The following PEX5L variants were observed in gnomAD, a reference collection of about 807,000 sequenced individuals.
PEX5L encodes PEX5-related protein.
A neutral mutation model predicts 84.0 loss-of-function variants in PEX5L; 30 were observed. The ratio of observed to expected loss-of-function variants is 0.36; its 90% CI spans 0.27 to 0.48. PEX5L has a LOEUF of 0.48. Among genes scored for constraint, PEX5L ranks in the 20% least tolerant of loss-of-function variants. PEX5L has a pLI of 0.99. For missense variants in PEX5L, 533 were observed against 754.6 expected, an observed-to-expected ratio of 0.71 and a Z score of 3.44; for synonymous variants, 270 against 283.1, an observed-to-expected ratio of 0.95 and a Z score of 0.46.
intron 8 of PEX5L, chr3:179,820,389 C>A (rs1039580299): frequency 1.2e-5 from 2 of 171,706 alleles, no homozygotes; most frequent in Non-Finnish European, 2.5e-5. Flanking sequence ...CAGGTATGGA[C>A]AAGAGAATGA....
At chr3:179,819,693 A>G (rs1434479068) in intron 9 of PEX5L, among the ~76,000 whole-genome samples, 167 bp downstream of exon 9, 1 of 152,246 alleles carries the variant, frequency 6.6e-6, no homozygotes, top group African/African-American at 2.4e-5. Context: ...CACACGTTGG[A>G]TAATTACGTT....
At chr3:179,872,592 C>T (rs1434769357) in intron 7 of PEX5L, among the ~76,000 whole-genome samples, 4 of 152,146 alleles carry the variant, frequency 2.6e-5, no homozygotes, top group East Asian at 1.9e-4. Flanking sequence ...TTTGGTGGGA[C>T]GAAATCAGAC....
At chr3:179,909,751 A>G (rs1197561281) in intron 2 of PEX5L, among the ~76,000 whole-genome samples, 1 of 152,196 alleles carries the variant, frequency 6.6e-6, no homozygotes, top group Non-Finnish European at 1.5e-5. Flanking sequence ...TCCTAATCCA[A>G]TATGACTGGT....
At chr3:179,990,996 A>C (rs1018746971) in intron 1 of PEX5L, among the ~76,000 whole-genome samples, 1 of 152,190 alleles carries the variant, frequency 6.6e-6, no homozygotes, top group African/African-American at 2.4e-5. Context: ...CAATGGACAC[A>C]GGATGTGCAG....
intron 2 of PEX5L, among the ~76,000 whole-genome samples, chr3:179,914,617 A>G (rs905922987): frequency 6.6e-5 from 10 of 152,248 alleles, no homozygotes; most frequent in African/African-American, 2.2e-4. Flanking sequence ...GATAGGTGAT[A>G]TATCTGCCTA....
intron 2 of PEX5L, among the ~76,000 whole-genome samples, chr3:179,935,905 C>CT (rs1320804953): frequency 1.3e-5 from 2 of 152,100 alleles, no homozygotes; most frequent in South Asian, 2.1e-4. Context: ...TTGGCTCTTT[C>CT]TTTTTTTGGC....
chr3:179,932,847 A>G (rs984882660), intron 2 of PEX5L, among the ~76,000 whole-genome samples: 40 of 152,184 alleles, frequency 2.6e-4, no homozygotes, highest in Admixed American at 2.4e-3. Flanking sequence ...ATTACCTCAT[A>G]TATTAGCAAT....
chr3:180,014,901 T>C (rs1363470297), intron 1 of PEX5L, among the ~76,000 whole-genome samples: 1 of 152,244 alleles, frequency 6.6e-6, no homozygotes, highest in African/African-American at 2.4e-5. Context: ...CCTTGCACTG[T>C]ACTTACCATA....
intron 2 of PEX5L, chr3:179,902,695 C>T: frequency 2.2e-6 from 1 of 456,450 alleles, no homozygotes; most frequent in Non-Finnish European, 4.4e-6. Flanking sequence ...GCATAAAATA[C>T]TTAAAGTATG....
At chr3:179,834,484 C>T (rs752447850) in intron 8 of PEX5L, among the ~76,000 whole-genome samples, 1 of 152,234 alleles carries the variant, frequency 6.6e-6, no homozygotes, top group Admixed American at 6.5e-5. Flanking sequence ...ACCCACCACA[C>T]ATGGCTGGGC....
At chr3:179,906,874 A>C (rs1241836948) in intron 2 of PEX5L, among the ~76,000 whole-genome samples, 1 of 151,018 alleles carries the variant, frequency 6.6e-6, no homozygotes, top group African/African-American at 2.4e-5. Context: ...TTCAAGAGAA[A>C]GTAAAGCATG....
intron 2 of PEX5L, among the ~76,000 whole-genome samples, chr3:179,946,894 A>G (rs936836141): frequency 2.6e-5 from 4 of 152,254 alleles, no homozygotes; most frequent in African/African-American, 9.6e-5. Context: ...TGCACTATAC[A>G]TGGATTTTTT....
At chr3:179,979,831 G>A (rs576279853) in intron 1 of PEX5L, among the ~76,000 whole-genome samples, 2 of 152,198 alleles carry the variant, frequency 1.3e-5, no homozygotes, top group South Asian at 2.1e-4. Flanking sequence ...CTATTAGATG[G>A]GGATGAAACC....
chr3:179,840,191 T>C (rs1290703836), intron 8 of PEX5L, among the ~76,000 whole-genome samples: 1 of 141,818 alleles, frequency 7.1e-6, no homozygotes, highest in African/African-American at 2.7e-5. Flanking sequence ...GTGTTTTTTT[T>C]TTTTTTTTTT....
At chr3:179,890,410 A>G (rs574019900) in intron 3 of PEX5L, among the ~76,000 whole-genome samples, 51 of 152,338 alleles carry the variant, frequency 3.3e-4, no homozygotes, top group African/African-American at 1.1e-3. Flanking sequence ...GCTAAATTGT[A>G]TAAAGCGCAA....
In PEX5L at chr3:179,795,044, A is replaced by G. The variant is rs1716372702; in HGVS notation, c.*6784T>C. 6.6e-6 allele frequency: 1 copy of G among 152,226 alleles called. No homozygotes were observed. Among genetic ancestry groups the G allele is most frequent in the Non-Finnish European group, 1.5e-5 (1 of 68,038 alleles). 9.4% of individuals were successfully genotyped at this position (152,226 alleles called of 1,614,324 possible). On this transcript the variant is annotated 3_prime_UTR_variant, in exon 15 of 15. Coordinates refer to ENST00000467460, the MANE Select transcript of PEX5L (RefSeq NM_016559.3). Reference sequence around the variant, plus strand: ...TTTAGTCTTAAAAAATTAACAAAGGAGGAAGATTTTTAAAGTTTTGTTTTA... The same window carrying G: ...TTTAGTCTTAAAAAATTAACAAAGGGGGAAGATTTTTAAAGTTTTGTTTTA...
At chr3:179,975,576 T>C (rs549423592) in intron 1 of PEX5L, among the ~76,000 whole-genome samples, 1 of 152,322 alleles carries the variant, frequency 6.6e-6, no homozygotes, top group African/African-American at 2.4e-5. Flanking sequence ...TTTTTAAAAA[T>C]CAATGCTGCT....
At chr3:179,859,240 T>C in intron 7 of PEX5L, 83 bp from the exon 8 acceptor site, 4 of 1,015,498 alleles carry the variant, frequency 3.9e-6, no homozygotes, top group Non-Finnish European at 6.1e-6. Flanking sequence ...CCTTTTCCCA[T>C]TTCACTTCCC....
rs1021442344 is a variant in PEX5L, at chr3:179,800,305, G to A, written c.*1523C>T. 3.3e-5 allele frequency: 5 copies of A among 152,016 alleles called. No individual in the cohort carries two copies. The highest frequency in any genetic ancestry group is 2.1e-4 in the South Asian group (1 of 4,826). 9.4% of individuals were successfully genotyped at this position (152,016 alleles called of 1,614,324 possible). On this transcript the variant is annotated 3_prime_UTR_variant, in exon 15 of 15. Transcript: ENST00000467460. ...TTTGTGGGTAGCTATAATCATGAGC[G>A]GGATGAGCTATTATTATCAAAGAAC... is the stretch of plus-strand genomic sequence containing the variant.
Sources: gnomAD v4.1 joint callset for allele counts (sites outside exome capture counted in the v4.1 genomes callset) on GRCh38, gnomAD v4.1.1 for gene constraint, MANE v1.5 for transcripts, NCBI Gene and HGNC (gene_info 2026-07-23, HGNC 2026-07-21) for gene names.